CLPB: variants seen among roughly 807,000 people sequenced by gnomAD.
CLPB encodes the protein ClpB family mitochondrial disaggregase, also known as mitochondrial disaggregase.
In CLPB, 40 loss-of-function variants were observed where a neutral mutation model predicts 78.4. The ratio of observed to expected loss-of-function variants is 0.51; its 90% CI spans 0.40 to 0.66. CLPB has a LOEUF of 0.66. Among genes scored for constraint, CLPB ranks in the 30% least tolerant of loss-of-function variants. The probability of loss-of-function intolerance (pLI) is 0.00; values close to 1 mark genes in which losing one functional copy is unlikely to be tolerated. For synonymous variants in CLPB, 333 were observed against 348.0 expected (o/e 0.96, Z 0.48); for missense variants, 780 against 886.9 (o/e 0.88, Z 1.53).
At chr11:72,405,154 A>ATTT (rs1565085252) in intron 2 of CLPB, among the ~76,000 whole-genome samples, 14 of 152,168 alleles carry the variant, frequency 9.2e-5, no homozygotes, top group African/African-American at 3.4e-4. Flanking sequence ...GAAGAAGGGG[A>ATTT]AGAGTTTAGA....
intron 1 of CLPB, 124 bp downstream of exon 1, chr11:72,433,946 GTC>G (rs964245990): frequency 1.0e-5 from 12 of 1,189,412 alleles, no homozygotes; most frequent in African/African-American, 4.6e-5. Flanking sequence ...ACCAGATGAT[GTC>G]TGAGTCCCTC....
In CLPB at chr11:72,356,157, G is replaced by A. The variant is rs139206058; in HGVS notation, c.775+2723C>T. Among the ~76,000 whole-genome samples the A allele has an allele frequency of 5.3e-3, 804 of 152,144 alleles. 7 individuals carry two copies. Among genetic ancestry groups the A allele is most frequent in the African/African-American group, 0.019 (775 of 41,486 alleles). Reference sequence around the variant, plus strand: ...AATTTAGCTGGGTGTGGTGGCACACGCCTGTGATCCTAGCTACTTGGGAGG... The same window carrying A: ...AATTTAGCTGGGTGTGGTGGCACACACCTGTGATCCTAGCTACTTGGGAGG... On this transcript the variant is annotated intron_variant, in intron 5 of 15. Transcript: ENST00000538039.
chr11:72,386,199 G>A (rs2056301068), intron 3 of CLPB, among the ~76,000 whole-genome samples: 1 of 152,020 alleles, frequency 6.6e-6, no homozygotes, highest in Non-Finnish European at 1.5e-5. Context: ...GAATCACACT[G>A]CTCTTTCAAT....
chr11:72,341,921 G>A (rs2135572240), intron 5 of CLPB, among the ~76,000 whole-genome samples: 1 of 152,300 alleles, frequency 6.6e-6, no homozygotes, highest in East Asian at 1.9e-4. Flanking sequence ...GGATCCTAGA[G>A]GTAGGAAGAA....
intron 3 of CLPB, among the ~76,000 whole-genome samples, chr11:72,388,531 G>A (rs929096178): frequency 6.6e-6 from 1 of 152,258 alleles, no homozygotes; most frequent in Admixed American, 6.5e-5. Context: ...GATTACAGGT[G>A]TGAACCACCA....
intron 1 of CLPB, among the ~76,000 whole-genome samples, chr11:72,431,886 C>T (rs149931620): frequency 6.6e-6 from 1 of 152,308 alleles, no homozygotes; most frequent in African/African-American, 2.4e-5. Context: ...ACGGCTTTGA[C>T]CATTATCTAT....
At chr11:72,321,327 C>T (rs1017690321) in intron 6 of CLPB, among the ~76,000 whole-genome samples, 1 of 152,108 alleles carries the variant, frequency 6.6e-6, no homozygotes, top group African/African-American at 2.4e-5. Context: ...GAGCAGGAGT[C>T]GGGGAGTGAG....
chr11:72,323,286 C>T (rs1014217146), intron 6 of CLPB, among the ~76,000 whole-genome samples: 2 of 152,102 alleles, frequency 1.3e-5, no homozygotes, highest in Admixed American at 6.5e-5. Flanking sequence ...ATGTCAAGGT[C>T]GGCTGGGCGT....
intron 3 of CLPB, among the ~76,000 whole-genome samples, chr11:72,386,008 A>C (rs1371520585): frequency 6.6e-6 from 1 of 152,236 alleles, no homozygotes; most frequent in Non-Finnish European, 1.5e-5. Flanking sequence ...TACATCAAAA[A>C]GTATAAGCAT....
At chr11:72,314,008 T>C (rs1949894688) in intron 7 of CLPB, among the ~76,000 whole-genome samples, 1 of 152,174 alleles carries the variant, frequency 6.6e-6, no homozygotes, top group South Asian at 2.1e-4. Context: ...AGGGATGACC[T>C]AGATGTATTT....
chr11:72,331,496 C>A lies in CLPB; in HGVS notation c.776-1692G>T, dbSNP rs530692059. Among the ~76,000 whole-genome samples, 5 of 151,914 alleles carry A rather than the reference C, an allele frequency of 3.3e-5. No homozygotes were observed. The East Asian group carries it at 9.7e-4, about 30-fold the overall frequency. Reference sequence around the variant, plus strand: ...GCTCAAGCAATCCTCCTGCCTTGACCTCCCAAACTGCTGGGATTACAGGCG... The same window carrying A: ...GCTCAAGCAATCCTCCTGCCTTGACATCCCAAACTGCTGGGATTACAGGCG... On this transcript the variant is annotated intron_variant, in intron 5 of 15. Coordinates refer to ENST00000538039, the MANE Select transcript of CLPB (RefSeq NM_001258392.3).
chr11:72,301,712 C>G, intron 11 of CLPB, 91 bp downstream of exon 11: 1 of 1,387,610 alleles, frequency 7.2e-7, no homozygotes. Flanking sequence ...GAGGAATGAC[C>G]AGCTAGCCTC....
intron 2 of CLPB, among the ~76,000 whole-genome samples, chr11:72,414,986 G>C (rs556664488): frequency 6.6e-6 from 1 of 152,164 alleles, no homozygotes; most frequent in African/African-American, 2.4e-5. Flanking sequence ...GAGAGGCCGA[G>C]GTGGGTGGAT....
intron 7 of CLPB, 143 bp downstream of exon 7, chr11:72,316,963 C>CT: frequency 1.9e-6 from 1 of 539,648 alleles, no homozygotes; most frequent in Non-Finnish European, 3.2e-6. Flanking sequence ...ATGCAGAGAG[C>CT]TTATAACAAT....
At chr11:72,409,804 C>T (rs947226488) in intron 2 of CLPB, among the ~76,000 whole-genome samples, 3 of 152,054 alleles carry the variant, frequency 2.0e-5, no homozygotes, top group Non-Finnish European at 2.9e-5. Flanking sequence ...GTGGTAAAAC[C>T]CCGTCTCTAC....
intron 3 of CLPB, among the ~76,000 whole-genome samples, chr11:72,397,708 T>C (rs1206645169): frequency 6.6e-6 from 1 of 152,258 alleles, no homozygotes; most frequent in African/African-American, 2.4e-5. Context: ...TTTTTTATTA[T>C]TGATTTGTAA....
intron 6 of CLPB, among the ~76,000 whole-genome samples, chr11:72,323,335 G>A (rs774204785): frequency 9.2e-5 from 14 of 152,272 alleles, no homozygotes; most frequent in Admixed American, 2.0e-4. Flanking sequence ...TTGGGAGGCC[G>A]AGGCGGGCAG....
intron 2 of CLPB, chr11:72,408,274 A>T (rs541529966): frequency 9.5e-7 from 1 of 1,050,632 alleles, no homozygotes; most frequent in East Asian, 2.6e-5. Context: ...TAGCTCTGTC[A>T]CTTACTAGCT....
At chr11:72,382,804 GAACA>G (rs1238423128) in intron 3 of CLPB, among the ~76,000 whole-genome samples, 3 of 151,988 alleles carry the variant, frequency 2.0e-5, no homozygotes, top group East Asian at 1.9e-4. Flanking sequence ...GAAGAATCAA[GAACA>G]ATCAGGGAAA....
Sources: allele counts gnomAD v4.1 joint callset (sites outside exome capture counted in the v4.1 genomes callset), GRCh38; gene constraint gnomAD v4.1.1; transcripts MANE v1.5; gene names NCBI Gene and HGNC (gene_info 2026-07-23, HGNC 2026-07-21).